TYW1: variants seen among roughly 807,000 people sequenced by gnomAD.
TYW1 encodes tRNA-yW synthesizing protein 1 homolog.
In TYW1, 46 loss-of-function variants were observed where a neutral mutation model predicts 96.2. The ratio of observed to expected loss-of-function variants is 0.48; its 90% CI spans 0.38 to 0.61. The LOEUF (loss-of-function observed/expected upper bound fraction) is 0.61, where lower values mean the gene tolerates loss of function less well. TYW1 is among the 20% of genes least tolerant of loss of function. TYW1 has a pLI of 0.00. For synonymous variants in TYW1, 274 were observed against 323.0 expected (o/e 0.85, Z 1.63); for missense variants, 684 against 909.6 (o/e 0.75, Z 3.19).
intron 12 of TYW1, among the ~76,000 whole-genome samples, chr7:67,100,680 A>T (rs1322220713): frequency 6.6e-6 from 1 of 151,816 alleles, no homozygotes; most frequent in Non-Finnish European, 1.5e-5. Flanking sequence ...CCCCGTCTCT[A>T]CTAAAAATAC....
At chr7:67,154,425 G>A (rs1798900947) in intron 13 of TYW1, among the ~76,000 whole-genome samples, 2 of 151,882 alleles carry the variant, frequency 1.3e-5, no homozygotes. Flanking sequence ...ACTTGTCTGG[G>A]AAAGACTTTA....
intron 9 of TYW1, among the ~76,000 whole-genome samples, chr7:67,065,804 A>T (rs572924220): frequency 1.3e-4 from 20 of 152,228 alleles, no homozygotes; most frequent in Admixed American, 7.2e-4. Context: ...TGAGGTCAGG[A>T]GTTCAAGACC....
At chr7:67,126,147 T>C (rs1797906417) in intron 13 of TYW1, among the ~76,000 whole-genome samples, 1 of 107,040 alleles carries the variant, frequency 9.3e-6, no homozygotes, top group African/African-American at 4.5e-5. Context: ...CCAAACTGTC[T>C]TCCAAAGTGG....
intron 15 of TYW1, among the ~76,000 whole-genome samples, chr7:67,225,190 CAAA>C (rs10600752): frequency 1.3e-4 from 10 of 78,056 alleles, no homozygotes; most frequent in African/African-American, 3.5e-4. Flanking sequence ...GACTCCGTCT[CAAA>C]AAAAAAAAAA....
At chr7:67,072,248 C>CTT (rs35654128) in intron 10 of TYW1, among the ~76,000 whole-genome samples, 33,087 of 128,434 alleles carry the variant, frequency 0.26, 4,892 homozygotes, top group African/African-American at 0.29. Flanking sequence ...CCTCTACCCA[C>CTT]TTTTTTTTTT....
At position 67,094,684 on chromosome 7, in the gene TYW1, G is replaced by GTGTGTGTGTA. The variant is rs1796837545; in HGVS notation, c.1385-3850_1385-3849insGTATGTGTGT. On this transcript the variant is annotated intron_variant, in intron 11 of 15. Transcript: ENST00000359626. Reference sequence around the variant, plus strand: ...TGTGTGTGTGTGTGTGTGTGTGTGTGTGTGTGTCAAGCACAGCTGACACCA... The same window carrying GTGTGTGTGTA: ...TGTGTGTGTGTGTGTGTGTGTGTGTGTGTGTGTGTATGTGTGTCAAGCACAGCTGACACCA... 2.0e-5 allele frequency among the ~76,000 whole-genome samples: 3 copies of GTGTGTGTGTA among 148,430 alleles called. No individual in the cohort carries two copies. In the East Asian group the frequency reaches 5.9e-4, roughly 29 times the overall value.
rs1338488832 is a variant in TYW1 at position 67,180,106 on chromosome 7, C to T, written c.1699-3020C>T. 1.2e-4 allele frequency among the ~76,000 whole-genome samples: 16 copies of T among 131,390 alleles called. 3 individuals carry two copies. The highest frequency in any genetic ancestry group is 8.0e-5 in the Non-Finnish European group (5 of 62,252). The allele number at this position is 131,390 out of a possible 152,430, so 86.2% of individuals were successfully genotyped here. A position where few individuals can be genotyped will look rare whatever the true frequency, so the allele number is the denominator to read the frequency against. On this transcript the variant is annotated intron_variant, in intron 13 of 15. Transcript: ENST00000359626. ...TCTTCCAATGTGCTGAGATTACAGG[C>T]GTGAGCCAGTGCACCCAGCTGAAAC...
At chr7:67,166,957 C>T (rs1799354628) in intron 13 of TYW1, among the ~76,000 whole-genome samples, 1 of 152,148 alleles carries the variant, frequency 6.6e-6, no homozygotes, top group Admixed American at 6.5e-5. Flanking sequence ...ATCGCACGGC[C>T]ATATAAGAAC....
At chr7:67,042,027 AATTAT>A (rs931175245) in intron 7 of TYW1, among the ~76,000 whole-genome samples, 2 of 73,220 alleles carry the variant, frequency 2.7e-5, no homozygotes, top group Non-Finnish European at 6.0e-5. Flanking sequence ...AGAATTATAT[AATTAT>A]ATTAGAATTA....
At chr7:67,237,423 G>A (rs1047291975) in intron 15 of TYW1, among the ~76,000 whole-genome samples, 7 of 150,782 alleles carry the variant, frequency 4.6e-5, no homozygotes, top group African/African-American at 1.5e-4. Flanking sequence ...TGGCATGAAC[G>A]CAGGAGGCAG....
intron 15 of TYW1, among the ~76,000 whole-genome samples, chr7:67,200,640 A>G (rs893596706): frequency 2.0e-5 from 3 of 152,160 alleles, no homozygotes; most frequent in African/African-American, 7.2e-5. Context: ...CAGTCAAACC[A>G]TATCAGTTCC....
At position 66,998,197 on chromosome 7, in the gene TYW1, T is replaced by G. The variant is rs200812546; in HGVS notation, c.135+2T>G. On this transcript the variant is annotated splice_donor_variant, in intron 2 of 15. Transcript: ENST00000359626. LOFTEE classifies it high-confidence loss of function. Reference sequence around the variant, plus strand: ...GTCCAGATTGTCATCAAGACGCAGGTAAGTGGAGTTATTTTTTTTTTAATG... The same window carrying G: ...GTCCAGATTGTCATCAAGACGCAGGGAAGTGGAGTTATTTTTTTTTTAATG... 1 of 1,591,940 alleles carries G rather than the reference T, an allele frequency of 6.3e-7. No homozygotes were observed. The highest frequency in any genetic ancestry group is 2.2e-5 in the East Asian group (1 of 44,760).
intron 12 of TYW1, among the ~76,000 whole-genome samples, chr7:67,099,894 C>G (rs527327168): frequency 1.1e-4 from 16 of 152,034 alleles, no homozygotes; most frequent in African/African-American, 3.9e-4. Context: ...CCCAGCTACT[C>G]GGGAGGCTGA....
At chr7:67,068,450 A>G (rs1042718465) in intron 10 of TYW1, among the ~76,000 whole-genome samples, 3 of 152,180 alleles carry the variant, frequency 2.0e-5, no homozygotes, top group African/African-American at 7.2e-5. Context: ...ATCAGATCTA[A>G]TAGAAGCTAC....
chr7:67,173,033 T>C (rs1799562535), intron 13 of TYW1, among the ~76,000 whole-genome samples: 1 of 152,126 alleles, frequency 6.6e-6, no homozygotes, highest in Admixed American at 6.6e-5. Flanking sequence ...AAACCCTGTC[T>C]CAAAAAACAA....
At chr7:67,217,846 CTTTTTTTTTTTTTTTT>C (rs57748332) in intron 15 of TYW1, among the ~76,000 whole-genome samples, 3 of 69,234 alleles carry the variant, frequency 4.3e-5, no homozygotes, top group Non-Finnish European at 8.1e-5. Context: ...GTGTTGATGT[CTTTTTTTTTTTTTTTT>C]TTTTTTTTTT....
At chr7:67,099,029 TTA>T (rs202075913) in intron 12 of TYW1, among the ~76,000 whole-genome samples, 4,412 of 136,816 alleles carry the variant, frequency 0.032, 182 homozygotes, top group African/African-American at 0.12. Context: ...TTTATTATTA[TTA>T]TTTTTTTTTT....
chr7:67,075,936 T>C (rs2115727016), intron 10 of TYW1, among the ~76,000 whole-genome samples: 1 of 152,380 alleles, frequency 6.6e-6, no homozygotes, highest in South Asian at 2.1e-4. Context: ...TTCTTAGATA[T>C]CTGCTAGCTG....
intron 13 of TYW1, among the ~76,000 whole-genome samples, chr7:67,124,887 T>C (rs2116019871): frequency 6.6e-6 from 1 of 152,266 alleles, no homozygotes; most frequent in South Asian, 2.1e-4. Flanking sequence ...CAGGCTGGAG[T>C]GCAATGGCGT....
Sources: allele counts gnomAD v4.1 joint callset (sites outside exome capture counted in the v4.1 genomes callset), GRCh38; gene constraint gnomAD v4.1.1; transcripts MANE v1.5; gene names NCBI Gene and HGNC (gene_info 2026-07-23, HGNC 2026-07-21).